Variants in VGLL4 observed in about 807,000 individuals in gnomAD.
VGLL4 encodes the protein vestigial like family member 4.
A neutral mutation model predicts 21.0 loss-of-function variants in VGLL4; 7 were observed. The ratio of observed to expected loss-of-function variants is 0.33; its 90% CI spans 0.19 to 0.63. VGLL4 has a LOEUF of 0.63. Ranked by LOEUF, VGLL4 falls within the 20% of genes least tolerant of loss-of-function variation. The pLI is 0.78. For missense variants in VGLL4, 394 were observed against 425.7 expected, an observed-to-expected ratio of 0.93 and a Z score of 0.66; for synonymous variants, 222 against 173.2, an observed-to-expected ratio of 1.28 and a Z score of -2.21.
In VGLL4 at chr3:11,558,756, C is replaced by A; in HGVS notation, c.691G>T (p.Glu231Ter). ...RSLGKNYKEP[E>*]PAPNSVSITG... is the part of the protein sequence containing the mutation. Reference sequence around the variant, plus strand: ...ATGGACACGGAGTTGGGTGCCGGCTCGGGCTCCTTGTAATTCTTGCCCAGG... The same window carrying A: ...ATGGACACGGAGTTGGGTGCCGGCTAGGGCTCCTTGTAATTCTTGCCCAGG... The change falls in exon 5 of 5, where the codon GAG becomes TAG. Residue 231 changes from glutamate (E) to a stop codon, truncating the protein, a stop_gained. Coordinates refer to ENST00000430365, the MANE Select transcript of VGLL4 (RefSeq NM_001128219.3). LOFTEE classifies it high-confidence loss of function. 1 of 1,614,154 alleles carries A rather than the reference C, an allele frequency of 6.2e-7. No individual in the cohort carries two copies. The highest frequency in any genetic ancestry group is 8.5e-7 in the Non-Finnish European group (1 of 1,180,028).
At chr3:11,712,371 A>G (rs1356688920) in intron 1 of VGLL4, among the ~76,000 whole-genome samples, 1 of 152,236 alleles carries the variant, frequency 6.6e-6, no homozygotes. Flanking sequence ...CTTATCACAT[A>G]GATTAAACGA....
chr3:11,559,460 G>T lies in VGLL4; in HGVS notation c.496-5C>A. 1 of 1,552,528 alleles carries T rather than the reference G, an allele frequency of 6.4e-7. No individual in the cohort carries two copies. The highest frequency in any genetic ancestry group is 1.2e-5 in the South Asian group (1 of 83,202). On this transcript the variant is annotated splice_region_variant and splice_polypyrimidine_tract_variant and intron_variant, in intron 3 of 4. Coordinates refer to ENST00000430365, the MANE Select transcript of VGLL4 (RefSeq NM_001128219.3). ...GGTGATCACGGAGGGCCGGTTCTGC[G>T]GGGAGGAGGGGTGTCAGTATGTGGA...
chr3:11,612,686 G>C (rs946953127), intron 1 of VGLL4: 1 of 152,178 alleles, frequency 6.6e-6, no homozygotes, highest in Non-Finnish European at 1.5e-5. Flanking sequence ...CTTAGAGTGC[G>C]AGCTCCGCTG....
intron 1 of VGLL4, among the ~76,000 whole-genome samples, chr3:11,619,803 A>G (rs1299886229): frequency 1.3e-5 from 2 of 152,180 alleles, no homozygotes; most frequent in Non-Finnish European, 2.9e-5. Context: ...AAGATGTTAC[A>G]TTGTAAGAGG....
chr3:11,721,361 C>G (rs1034383442), upstream of VGLL4: 2 of 152,192 alleles, frequency 1.3e-5, no homozygotes, highest in Admixed American at 6.5e-5. Flanking sequence ...AATGGTTTAC[C>G]TAAAGCAGGT....
intron 2 of VGLL4, among the ~76,000 whole-genome samples, chr3:11,683,316 A>T (rs2076402114): frequency 6.6e-6 from 1 of 152,210 alleles, no homozygotes; most frequent in Non-Finnish European, 1.5e-5. Flanking sequence ...AAAAGGGAAC[A>T]CTTAAATACT....
Position 11,643,543 on chromosome 3 carries a change from GCT to G in VGLL4, c.-27_-26del. ...TTTATTGGGCTAGCAAAGAAAACCA[GCT>G]CTTTGCTTTTGCCCCAAAAGAGTTA... On this transcript the variant is annotated 5_prime_UTR_variant, in exon 1 of 5. Transcript: ENST00000430365. The G allele has an allele frequency of 6.2e-7, 1 of 1,613,784 alleles. No homozygotes were observed. Among genetic ancestry groups the G allele is most frequent in the African/African-American group, 1.3e-5 (1 of 75,044 alleles).
intron 2 of VGLL4, among the ~76,000 whole-genome samples, chr3:11,593,586 C>G (rs2074556668): frequency 6.6e-6 from 1 of 151,746 alleles, no homozygotes; most frequent in African/African-American, 2.4e-5. Context: ...CAAAACAAAA[C>G]AAAACACCAG....
At chr3:11,706,877 A>C (rs2076767858) in intron 1 of VGLL4, among the ~76,000 whole-genome samples, 1 of 152,178 alleles carries the variant, frequency 6.6e-6, no homozygotes. Context: ...GCAGAAGCTA[A>C]ATTCAGGTGA....
chr3:11,608,215 A>G (rs974675058), intron 1 of VGLL4, among the ~76,000 whole-genome samples: 2 of 152,254 alleles, frequency 1.3e-5, no homozygotes, highest in Non-Finnish European at 2.9e-5. Context: ...TGGCTTAACT[A>G]CAACTGTCAG....
At position 11,574,260 on chromosome 3, in the gene VGLL4, T is replaced by C. The variant is rs566786766; in HGVS notation, c.273-9241A>G. Among the ~76,000 whole-genome samples, 13 of 152,300 alleles carry C rather than the reference T, an allele frequency of 8.5e-5. No individual in the cohort carries two copies. The East Asian group carries it at 2.5e-3, about 29-fold the overall frequency. On this transcript the variant is annotated intron_variant, in intron 2 of 4. Transcript: ENST00000430365. Reference sequence around the variant, plus strand: ...CGGCTTTAGATATTTGCCACACCCATGTTTCTTCTGCTTTATCTATGATCA... The same window carrying C: ...CGGCTTTAGATATTTGCCACACCCACGTTTCTTCTGCTTTATCTATGATCA...
chr3:11,560,878 C>T (rs1232230151), intron 3 of VGLL4, among the ~76,000 whole-genome samples: 1 of 152,172 alleles, frequency 6.6e-6, no homozygotes, highest in East Asian at 1.9e-4. Flanking sequence ...TGGACAGGGC[C>T]TCGGGTGAGA....
chr3:11,707,630 G>A (rs1229597338), intron 1 of VGLL4, among the ~76,000 whole-genome samples: 6 of 151,930 alleles, frequency 3.9e-5, no homozygotes, highest in Admixed American at 2.0e-4. Context: ...CAGGAGGATC[G>A]CTTGAGCCCG....
intron 2 of VGLL4, among the ~76,000 whole-genome samples, chr3:11,666,094 C>CA (rs925601655): frequency 2.2e-4 from 34 of 151,634 alleles, no homozygotes; most frequent in African/African-American, 6.5e-4. Context: ...ACTAAAAATA[C>CA]AAAAAAAATT....
chr3:11,565,161 C>T lies in VGLL4; in HGVS notation c.273-142G>A. 2 of 846,160 alleles carry T rather than the reference C, an allele frequency of 2.4e-6. No individual in the cohort carries two copies. The highest frequency in any genetic ancestry group is 3.0e-5 in the South Asian group (1 of 32,906). 52.4% of individuals were successfully genotyped at this position (846,160 alleles called of 1,614,324 possible). Reference sequence around the variant, plus strand: ...GTGGCTGGGCAGCACGATGAGGAGCCGGTTGCCAGCCCGGGTCAGCCGGAC... The same window carrying T: ...GTGGCTGGGCAGCACGATGAGGAGCTGGTTGCCAGCCCGGGTCAGCCGGAC... On this transcript the variant is annotated intron_variant, in intron 2 of 4. Coordinates refer to ENST00000430365, the MANE Select transcript of VGLL4 (RefSeq NM_001128219.3). The surrounding 1 kb of genome is among the most constrained non-coding windows in gnomAD (Gnocchi z 4.1).
At chr3:11,575,003 GC>G (rs149278751) in intron 2 of VGLL4, among the ~76,000 whole-genome samples, 2,576 of 152,208 alleles carry the variant, frequency 0.017, 78 homozygotes, top group African/African-American at 0.058. Context: ...AAAGAATAAA[GC>G]CGCAGATCTT....
chr3:11,604,635 G>T, intron 1 of VGLL4: 1 of 723,698 alleles, frequency 1.4e-6, no homozygotes, highest in Non-Finnish European at 1.7e-6. Context: ...CACTTGCATT[G>T]CAATCTTGAC....
intron 1 of VGLL4, among the ~76,000 whole-genome samples, chr3:11,708,314 G>C (rs577599624): frequency 6.6e-6 from 1 of 152,378 alleles, no homozygotes; most frequent in East Asian, 1.9e-4. Context: ...GGTCTGGGAA[G>C]ATTTCGCTGA....
chr3:11,643,473 T>G lies in VGLL4; in HGVS notation c.46A>C (p.Lys16Gln). Reference protein sequence around the residue: ...MDLLNYQYLDKMNNNIGILCY... With the variant: ...MDLLNYQYLDQMNNNIGILCY... ...AGAATGCCGATATTGTTGTTCATCT[T>G]GTCCAAGTACTGATAGTTCAACAGG... The change falls in exon 1 of 5, where the codon AAG (lysine) becomes CAG (glutamine). Residue 16 changes from lysine to glutamine, a missense_variant. Lys to Gln is a moderately conservative substitution (Grantham distance 53, BLOSUM62 1). Transcript: ENST00000430365. The G allele has an allele frequency of 6.2e-7, 1 of 1,614,048 alleles. No homozygotes were observed. Among genetic ancestry groups the G allele is most frequent in the Non-Finnish European group, 8.5e-7 (1 of 1,179,908 alleles).
Sources: gnomAD v4.1 joint callset for allele counts (sites outside exome capture counted in the v4.1 genomes callset) on GRCh38, gnomAD v4.1.1 for gene constraint, Gnocchi (gnomAD v3.1) non-coding constraint, MANE v1.5 for transcripts, NCBI Gene and HGNC (gene_info 2026-07-23, HGNC 2026-07-21) for gene names.